The following EPB41L5 variants were observed in gnomAD, a reference collection of about 807,000 sequenced individuals.
EPB41L5 encodes the protein erythrocyte membrane protein band 4.1 like 5, also known as band 4.1-like protein 5.
In EPB41L5, 55 loss-of-function variants were observed where a neutral mutation model predicts 106.6. That is an observed-to-expected ratio of 0.52 (90% confidence interval 0.42 to 0.65). The LOEUF (loss-of-function observed/expected upper bound fraction) is 0.65. EPB41L5 is among the 30% of genes least tolerant of loss of function. The pLI, the probability that EPB41L5 is intolerant of heterozygous loss-of-function variation, is 0.00. For synonymous variants in EPB41L5, 297 were observed against 306.7 expected, an observed-to-expected ratio of 0.97 and a Z score of 0.33; for missense variants, 871 against 882.1, an observed-to-expected ratio of 0.99 and a Z score of 0.16.
In EPB41L5 at chr2:120,164,000, T is replaced by TTTTTTC. The variant is rs1558915861; in HGVS notation, c.1888-836_1888-835insTTTTTC. 9.7e-5 allele frequency among the ~76,000 whole-genome samples: 13 copies of TTTTTTC among 133,692 alleles called. 2 individuals are homozygous for TTTTTTC. The highest frequency in any genetic ancestry group is 3.3e-4 in the African/African-American group (12 of 36,528). 87.7% of individuals were successfully genotyped at this position (133,692 alleles called of 152,430 possible). A position where few individuals can be genotyped will look rare whatever the true frequency, so the allele number is the denominator to read the frequency against. ...ATTTACTTTTTTTTTTTTTTTTTTT[T>TTTTTTC]GAGATGGAGTCTTGCTCTGTCGCCC... On this transcript the variant is annotated intron_variant, in intron 21 of 24. Coordinates refer to ENST00000263713, the MANE Select transcript of EPB41L5 (RefSeq NM_020909.4).
chr2:120,029,710 T>G (rs1280593715), intron 2 of EPB41L5, among the ~76,000 whole-genome samples: 1 of 152,214 alleles, frequency 6.6e-6, no homozygotes, highest in Non-Finnish European at 1.5e-5. Flanking sequence ...CTGGAAGTTG[T>G]ACTCCTTAAC....
At chr2:120,027,919 G>C (rs1276180070) in intron 2 of EPB41L5, among the ~76,000 whole-genome samples, 1 of 152,072 alleles carries the variant, frequency 6.6e-6, no homozygotes, top group Non-Finnish European at 1.5e-5. Context: ...CTGGAGTGCA[G>C]TGGTGCGATC....
intron 21 of EPB41L5, among the ~76,000 whole-genome samples, chr2:120,163,690 C>T (rs1687247299): frequency 6.6e-6 from 1 of 150,870 alleles, no homozygotes; most frequent in Admixed American, 6.6e-5. Flanking sequence ...CACAGTGGCT[C>T]ACACCTGTAA....
intron 21 of EPB41L5, 130 bp from the exon 22 acceptor site, chr2:120,164,706 T>C: frequency 1.7e-6 from 1 of 573,228 alleles, no homozygotes; most frequent in South Asian, 2.4e-5. Context: ...TTTATGAGTG[T>C]CCCTGTGTAT....
At chr2:120,055,216 A>C (rs1026857497) in intron 3 of EPB41L5, among the ~76,000 whole-genome samples, 3 of 152,240 alleles carry the variant, frequency 2.0e-5, no homozygotes, top group African/African-American at 7.2e-5. Context: ...TGTCTTGATT[A>C]TGGTAACTTT....
At chr2:120,151,673 A>G (rs182954903) in intron 20 of EPB41L5, among the ~76,000 whole-genome samples, 82 of 146,926 alleles carry the variant, frequency 5.6e-4, no homozygotes, top group Middle Eastern at 7.4e-3. Context: ...CTGGAATGCA[A>G]TGGCGCGATT....
intron 16 of EPB41L5, among the ~76,000 whole-genome samples, chr2:120,118,063 A>G (rs752225363): frequency 1.3e-5 from 2 of 152,172 alleles, no homozygotes; most frequent in Non-Finnish European, 2.9e-5. Flanking sequence ...TAGTTTCTGG[A>G]ATTTAATAGA....
chr2:120,153,201 T>A (rs1322356632), intron 20 of EPB41L5, among the ~76,000 whole-genome samples: 1 of 152,094 alleles, frequency 6.6e-6, no homozygotes, highest in Non-Finnish European at 1.5e-5. Context: ...TTTTTTTCAT[T>A]CATCTCAAAT....
intron 3 of EPB41L5, among the ~76,000 whole-genome samples, chr2:120,065,234 C>T (rs1021250889): frequency 6.6e-6 from 1 of 152,100 alleles, no homozygotes; most frequent in Non-Finnish European, 1.5e-5. Context: ...TCGCCTCAGC[C>T]TCCCAAATAA....
At chr2:120,092,151 C>G (rs1271766951) in intron 13 of EPB41L5, among the ~76,000 whole-genome samples, 1 of 152,126 alleles carries the variant, frequency 6.6e-6, no homozygotes, top group Non-Finnish European at 1.5e-5. Flanking sequence ...GTCTCAGCCA[C>G]CTGAGTAGCT....
intron 10 of EPB41L5, among the ~76,000 whole-genome samples, chr2:120,080,379 T>C (rs950069240): frequency 1.1e-4 from 17 of 152,142 alleles, no homozygotes; most frequent in Non-Finnish European, 4.4e-5. Flanking sequence ...GTCCTTGCAA[T>C]AGTTTGCTGA....
chr2:120,056,325 A>T (rs1680647534), intron 3 of EPB41L5, among the ~76,000 whole-genome samples: 1 of 147,320 alleles, frequency 6.8e-6, no homozygotes, highest in African/African-American at 2.5e-5. Flanking sequence ...TTTGAGATGG[A>T]GTCTCGCTTT....
At chr2:120,018,961 G>A in intron 1 of EPB41L5, 116 bp from the exon 2 acceptor site, 2 of 917,606 alleles carry the variant, frequency 2.2e-6, no homozygotes, top group Non-Finnish European at 3.3e-6. Context: ...GTCCTTTTTA[G>A]TAGCATTTCT....
chr2:120,034,274 A>G, intron 2 of EPB41L5, among the ~76,000 whole-genome samples: 1 of 152,190 alleles, frequency 6.6e-6, no homozygotes, highest in East Asian at 1.9e-4. Context: ...TTAGAACACA[A>G]CTGTTGTATT....
chr2:120,029,891 T>G (rs1338554863), intron 2 of EPB41L5, among the ~76,000 whole-genome samples: 5 of 152,196 alleles, frequency 3.3e-5, no homozygotes, highest in African/African-American at 9.6e-5. Context: ...GGTCAGCTCC[T>G]ATTCCCACGA....
intron 3 of EPB41L5, among the ~76,000 whole-genome samples, chr2:120,057,700 T>C (rs989234127): frequency 6.6e-6 from 1 of 151,662 alleles, no homozygotes; most frequent in Non-Finnish European, 1.5e-5. Context: ...TAAACAGATA[T>C]TTTTATGGTA....
In EPB41L5 at chr2:120,143,076, T is replaced by G. The variant is rs762509732; in HGVS notation, c.1673T>G (p.Val558Gly). The G allele has an allele frequency of 6.2e-7, 1 of 1,610,784 alleles. No homozygotes were observed. The highest frequency in any genetic ancestry group is 8.5e-7 in the Non-Finnish European group (1 of 1,178,448). ...IESPGLNVMRVPPDFKSNILK... is the reference protein window; with the variant it reads ...IESPGLNVMRGPPDFKSNILK... ...AGCCCAGGATTGAATGTCATGAGAG[T>G]TCCTCCTGACTTCAAGAGTAACATT... Residue 558 changes from valine (V) to glycine (G), a missense_variant, in exon 19 of 25, where the codon GTT becomes GGT. By Grantham distance (109) the Val-to-Gly change is moderately radical (BLOSUM62 -3). Transcript: ENST00000263713.
At position 120,095,991 on chromosome 2, in the gene EPB41L5, A is replaced by G. The variant is rs563541040; in HGVS notation, c.1178+2715A>G. ...AGCCGGCTCCATTAATTTTAATATT[A>G]CTTATTACAATGAGGCTATATCTGT... On this transcript the variant is annotated intron_variant, in intron 14 of 24. Transcript: ENST00000263713. 7.9e-5 allele frequency among the ~76,000 whole-genome samples: 12 copies of G among 152,202 alleles called. No homozygotes were observed. The South Asian group carries it at 2.5e-3, about 32-fold the overall frequency.
Position 120,160,932 on chromosome 2 carries a change from T to G in EPB41L5, c.1845T>G (p.Thr615=), listed in dbSNP as rs747771000. The G allele has an allele frequency of 1.9e-6, 3 of 1,614,032 alleles. No individual in the cohort carries two copies. The highest frequency in any genetic ancestry group is 2.5e-6 in the Non-Finnish European group (3 of 1,179,884). ...CCCTCCCCAAAGAGTCTCTTGAGAC[T>G]CTGATGCTTATCACACCTGCCGACA... ...NVPLPKESLE[T]LMLITPADSG... is the part of the protein sequence containing the mutation. The change falls in exon 21 of 25, where the codon ACT becomes ACG. Residue 615 remains threonine, a synonymous_variant. Coordinates refer to ENST00000263713, the MANE Select transcript of EPB41L5 (RefSeq NM_020909.4).
Sources: allele counts gnomAD v4.1 joint callset (sites outside exome capture counted in the v4.1 genomes callset), GRCh38; gene constraint gnomAD v4.1.1; transcripts MANE v1.5; gene names NCBI Gene and HGNC (gene_info 2026-07-23, HGNC 2026-07-21).